NAA35: variants seen among roughly 807,000 people sequenced by gnomAD.
NAA35 encodes MAK10 homolog, amino-acid N-acetyltransferase subunit.
NAA35 carries 18 observed loss-of-function variants against 101.7 expected under a neutral mutation model. That is an observed-to-expected ratio of 0.18 (90% CI 0.12 to 0.26). The LOEUF is 0.26. NAA35 is among the 10% of genes least tolerant of loss of function. NAA35 has a pLI of 1.00. For missense variants in NAA35, 601 were observed against 886.8 expected (o/e 0.68, Z 4.09); for synonymous variants, 267 against 273.1 (o/e 0.98, Z 0.22).
intron 6 of NAA35, among the ~76,000 whole-genome samples, chr9:85,972,581 T>C (rs1830044840): frequency 6.6e-6 from 1 of 151,912 alleles, no homozygotes; most frequent in African/African-American, 2.4e-5. Context: ...CCTAAATTTT[T>C]TTCTGAAAAA....
At chr9:85,979,541 A>G (rs182901935) in intron 11 of NAA35, among the ~76,000 whole-genome samples, 68 of 152,334 alleles carry the variant, frequency 4.5e-4, no homozygotes, top group African/African-American at 1.3e-3. Context: ...ATATTTAATA[A>G]TGTTAGCACA....
chr9:85,966,450 T>A (rs895207972), intron 6 of NAA35: 2 of 271,128 alleles, frequency 7.4e-6, no homozygotes, highest in Non-Finnish European at 1.6e-5. Flanking sequence ...TAAAATAAGT[T>A]GCTTATTTTA....
At chr9:85,975,290 A>T in intron 8 of NAA35, 133 bp downstream of exon 8, 1 of 866,170 alleles carries the variant, frequency 1.2e-6, no homozygotes, top group Non-Finnish European at 1.8e-6. Context: ...AATGAATTTG[A>T]ACACTGCTAG....
At chr9:86,007,955 A>G (rs1480214004) in intron 14 of NAA35, among the ~76,000 whole-genome samples, 1 of 152,190 alleles carries the variant, frequency 6.6e-6, no homozygotes, top group South Asian at 2.1e-4. Context: ...AAATTACTTC[A>G]TGGTAGATCT....
At chr9:85,946,482 G>A (rs767815562) in intron 2 of NAA35, among the ~76,000 whole-genome samples, 11 of 152,100 alleles carry the variant, frequency 7.2e-5, no homozygotes, top group Non-Finnish European at 2.9e-5. Context: ...AATCTGCCAT[G>A]CTGACTTCCA....
intron 5 of NAA35, among the ~76,000 whole-genome samples, chr9:85,960,309 A>G (rs1035393421): frequency 5.9e-5 from 9 of 152,116 alleles, no homozygotes; most frequent in Admixed American, 5.9e-4. Flanking sequence ...TATATGCTGA[A>G]TTATGTCTTC....
chr9:85,970,025 AC>A (rs1829936812), intron 6 of NAA35, among the ~76,000 whole-genome samples: 1 of 152,236 alleles, frequency 6.6e-6, no homozygotes, highest in Non-Finnish European at 1.5e-5. Flanking sequence ...AACTTGAATT[AC>A]CAGCAGATTT....
intron 11 of NAA35, among the ~76,000 whole-genome samples, chr9:85,989,270 A>G (rs1331104279): frequency 6.6e-6 from 1 of 151,926 alleles, no homozygotes. Flanking sequence ...CAGGAGTTTG[A>G]GACCAGCCTG....
At chr9:86,010,779 G>A (rs1303437956) in intron 15 of NAA35, among the ~76,000 whole-genome samples, 3 of 149,714 alleles carry the variant, frequency 2.0e-5, no homozygotes, top group Non-Finnish European at 4.5e-5. Flanking sequence ...GGGGTTTCAC[G>A]TGTTAGCTAG....
At chr9:85,951,658 C>CA (rs754556483) in intron 2 of NAA35, among the ~76,000 whole-genome samples, 34 of 151,998 alleles carry the variant, frequency 2.2e-4, no homozygotes, top group Non-Finnish European at 4.3e-4. Context: ...GCAGATCTTC[C>CA]AAAAATTTTT....
chr9:85,965,753 A>T (rs1279412410), intron 6 of NAA35, among the ~76,000 whole-genome samples: 1 of 152,186 alleles, frequency 6.6e-6, no homozygotes, highest in Non-Finnish European at 1.5e-5. Context: ...GGGTGTAGTA[A>T]AGCATGTATA....
chr9:86,017,659 T>C, intron 19 of NAA35, 94 bp downstream of exon 19: 2 of 1,018,182 alleles, frequency 2.0e-6, no homozygotes, highest in South Asian at 1.6e-5. Context: ...TTCCATATTA[T>C]AATTTCACCT....
chr9:85,993,196 CG>C (rs1217639766), intron 11 of NAA35, among the ~76,000 whole-genome samples: 6 of 152,024 alleles, frequency 3.9e-5, no homozygotes, highest in Non-Finnish European at 7.4e-5. Context: ...TTTTTGAGAC[CG>C]AGTTTCACTC....
chr9:86,019,631 T>C (rs893849117), intron 21 of NAA35, among the ~76,000 whole-genome samples: 11 of 152,244 alleles, frequency 7.2e-5, no homozygotes, highest in African/African-American at 2.7e-4. Context: ...AGGCTTTTGG[T>C]ATTTTAATAA....
intron 15 of NAA35, among the ~76,000 whole-genome samples, chr9:86,011,998 AATAT>A (rs1418055884): frequency 5.5e-5 from 8 of 144,198 alleles, no homozygotes; most frequent in African/African-American, 2.0e-4. Flanking sequence ...TATATATAAT[AATAT>A]ATAATGGAAA....
In NAA35 at chr9:86,007,481, A is replaced by G. The variant is rs1280559543; in HGVS notation, c.1223+17A>G. On this transcript the variant is annotated intron_variant, in intron 14 of 22. Transcript: ENST00000361671. ...TTCCCCCAAGTAAGTATTGTAAGAC[A>G]TTTTAGAGTTGTATGTATGTGCTCC... is the stretch of plus-strand genomic sequence containing the variant. 6.3e-7 allele frequency: 1 copy of G among 1,597,586 alleles called. No homozygotes were observed. The highest frequency in any genetic ancestry group is 1.1e-5 in the South Asian group (1 of 90,546).
chr9:86,019,639 T>C (rs1011431782), intron 21 of NAA35, among the ~76,000 whole-genome samples: 3 of 152,242 alleles, frequency 2.0e-5, no homozygotes, highest in Non-Finnish European at 4.4e-5. Context: ...GGTATTTTAA[T>C]AATTTACCAT....
At chr9:85,973,076 G>A (rs113469641) in intron 6 of NAA35, among the ~76,000 whole-genome samples, 26 of 152,218 alleles carry the variant, frequency 1.7e-4, no homozygotes, top group African/African-American at 2.4e-4. Context: ...TGGAATATAA[G>A]GGATGAAACC....
At chr9:86,018,420 A>G (rs750806912) in intron 20 of NAA35, 25 bp downstream of exon 20, 8 of 1,598,470 alleles carry the variant, frequency 5.0e-6, no homozygotes, top group South Asian at 3.3e-5. Flanking sequence ...TGAACTTGTT[A>G]TGAAATCTTT....
Sources: allele counts gnomAD v4.1 joint callset (sites outside exome capture counted in the v4.1 genomes callset), GRCh38; gene constraint gnomAD v4.1.1; transcripts MANE v1.5; gene names NCBI Gene and HGNC (gene_info 2026-07-23, HGNC 2026-07-21).